RNASE7: variants seen among roughly 807,000 people sequenced by gnomAD.
RNASE7 encodes the protein ribonuclease 7.
For synonymous variants in RNASE7, 80 were observed against 77.5 expected (o/e 1.03, Z -0.17); for missense variants, 184 against 191.5 (o/e 0.96, Z 0.23).
Position 21,043,265 on chromosome 14 carries a change from G to T in RNASE7, c.273G>T (p.Lys91Asn). 1 of 1,614,186 alleles carries T rather than the reference G, an allele frequency of 6.2e-7. No homozygotes were observed. Among genetic ancestry groups the T allele is most frequent in the South Asian group, 1.1e-5 (1 of 91,086 alleles). The change falls in exon 2 of 2, where the codon AAG becomes AAT. Residue 91 changes from lysine to asparagine, a missense_variant. Coordinates refer to ENST00000298690, the MANE Select transcript of RNASE7 (RefSeq NM_032572.4). The part of the protein sequence containing the change: ...ATCQTPKIAC[K>N]NGDKNCHQSH... ...GCCAGACCCCCAAAATAGCCTGCAA[G>T]AATGGCGATAAAAACTGCCACCAGA...
In RNASE7 at chr14:21,042,934, C is replaced by T. The variant is rs1884971334; in HGVS notation, c.-40-19C>T. 1 of 1,464,400 alleles carries T rather than the reference C, an allele frequency of 6.8e-7. No homozygotes were observed. The highest frequency in any genetic ancestry group is 9.2e-7 in the Non-Finnish European group (1 of 1,081,672). 90.7% of individuals were successfully genotyped at this position (1,464,400 alleles called of 1,614,324 possible). A position where few individuals can be genotyped will look rare whatever the true frequency, so the allele number is the denominator to read the frequency against. On this transcript the variant is annotated intron_variant, in intron 1 of 1. Coordinates refer to ENST00000298690, the MANE Select transcript of RNASE7 (RefSeq NM_032572.4). ...AGGTATAAGAGGACTAATTTCTCAA[C>T]TGAACACCTCTGTCCCAGCGACCCC...
rs1884998645 is a variant in RNASE7, at chr14:21,043,367, A to T, written c.375A>T (p.Arg125=). Reference sequence around the variant, plus strand: ...CGAACTGCAGGTACAAAGAGAAGCGACAGAACAAGTCTTACGTAGTGGCCT... The same window carrying T: ...CGAACTGCAGGTACAAAGAGAAGCGTCAGAACAAGTCTTACGTAGTGGCCT... The part of the protein sequence containing the change: ...KHPNCRYKEK[R]QNKSYVVACK... The change falls in exon 2 of 2, where the codon CGA becomes CGT. Residue 125 remains arginine, a synonymous_variant. Transcript: ENST00000298690. 6.2e-7 allele frequency: 1 copy of T among 1,614,230 alleles called. No homozygotes were observed.
In RNASE7 at chr14:21,043,086, G is replaced by GGCAT. The variant is rs1884982006; in HGVS notation, c.96_99dup (p.Thr34HisfsTer8). 6.2e-7 allele frequency: 1 copy of GGCAT among 1,613,980 alleles called. No homozygotes were observed. The highest frequency in any genetic ancestry group is 1.3e-5 in the African/African-American group (1 of 74,886). On this transcript the variant is annotated frameshift_variant, in exon 2 of 2. Transcript: ENST00000298690. LOFTEE classifies it low-confidence loss of function (END_TRUNC). ...GATCCCAGTCAGTGCCAAGCCCAAG[G>GGCAT]GCATGACCTCATCACAGTGGTTTAA...
rs1219922842 is a variant in RNASE7 at position 21,044,016 on chromosome 14, GC to G, written c.*554del. On this transcript the variant is annotated 3_prime_UTR_variant, in exon 2 of 2. Transcript: ENST00000298690. ...TTTAGAAAGCTTAATGAATTAAAGA[GC>G]TTGTCTAATTAGTTAGTAGCAGAAC... 5.9e-6 allele frequency: 1 copy of G among 168,782 alleles called. No homozygotes were observed. Among genetic ancestry groups the G allele is most frequent in the African/African-American group, 2.4e-5 (1 of 41,464 alleles). The allele number at this position is 168,782 out of a possible 1,614,324, so 10.5% of individuals were successfully genotyped here.
intron 1 of RNASE7, among the ~76,000 whole-genome samples, 169 bp downstream of exon 1, chr14:21,042,611 C>A (rs1047370132): frequency 4.0e-5 from 6 of 150,852 alleles, no homozygotes; most frequent in African/African-American, 1.5e-4. Flanking sequence ...GGGATGGAGG[C>A]AAAAAATGAA....
chr14:21,043,478 T>C lies in RNASE7; in HGVS notation c.*15T>C. ...GAGTCCTTTAGGTTTCCAGACTGGCTTGCTCTTTGGCTGACCTTCAATTCC... is the reference window on the plus strand; with the variant it reads ...GAGTCCTTTAGGTTTCCAGACTGGCCTGCTCTTTGGCTGACCTTCAATTCC... On this transcript the variant is annotated 3_prime_UTR_variant, in exon 2 of 2. Coordinates refer to ENST00000298690, the MANE Select transcript of RNASE7 (RefSeq NM_032572.4). The C allele has an allele frequency of 6.4e-7, 1 of 1,553,902 alleles. No homozygotes were observed. The highest frequency in any genetic ancestry group is 8.7e-7 in the Non-Finnish European group (1 of 1,149,700).
At chr14:21,042,846 T>C in intron 1 of RNASE7, 107 bp from the exon 2 acceptor site, 3 of 665,030 alleles carry the variant, frequency 4.5e-6, no homozygotes, top group Non-Finnish European at 7.6e-6. Flanking sequence ...GAGGCAGAGA[T>C]GAGACACAAA....
chr14:21,043,187 C>G lies in RNASE7; in HGVS notation c.195C>G (p.Cys65Trp), dbSNP rs754709164. The change falls in exon 2 of 2, where the codon TGC becomes TGG. Residue 65 changes from cysteine (C) to tryptophan (W), a missense_variant. Cys to Trp is a radical substitution (Grantham distance 215). Transcript: ENST00000298690. Reference sequence around the variant, plus strand: ...ACATTAACAAGCACACAAAACGGTGCAAAGACCTCAACACCTTCCTGCACG... The same window carrying G: ...ACATTAACAAGCACACAAAACGGTGGAAAGACCTCAACACCTTCCTGCACG... ...MKNINKHTKR[C>W]KDLNTFLHEP... is the part of the protein sequence containing the mutation. 9 of 1,614,180 alleles carry G rather than the reference C, an allele frequency of 5.6e-6. No homozygotes were observed. The South Asian group carries it at 9.9e-5, about 18-fold the overall frequency.
chr14:21,043,068 G>C lies in RNASE7; in HGVS notation c.76G>C (p.Val26Leu), dbSNP rs376063080. Residue 26 changes from valine to leucine, a missense_variant, in exon 2 of 2, where the codon GTC becomes CTC. Physicochemically the swap from Val to Leu is conservative, Grantham distance 32. Transcript: ENST00000298690. ...GGGGCTGTGGGTGGCAGAGATCCCA[G>C]TCAGTGCCAAGCCCAAGGGCATGAC... ...LLGLWVAEIP[V>L]SAKPKGMTSS... 4.3e-5 allele frequency: 70 copies of C among 1,614,082 alleles called. No individual in the cohort carries two copies. Among genetic ancestry groups the C allele is most frequent in the Middle Eastern group, 1.6e-4 (1 of 6,084 alleles).
rs538504635 is a variant in RNASE7 at position 21,043,463 on chromosome 14, G to A, written c.471G>A (p.Ter157=). ...LVPVHLDRVL[*] is the part of the protein sequence containing the mutation. ...CTGTACACTTGGACAGAGTCCTTTA[G>A]GTTTCCAGACTGGCTTGCTCTTTGG... The change falls in exon 2 of 2, where the codon TAG becomes TAA. Residue 157 remains the stop codon, a stop_retained_variant. Transcript: ENST00000298690. 8 of 1,578,176 alleles carry A rather than the reference G, an allele frequency of 5.1e-6. No individual in the cohort carries two copies. The South Asian group carries it at 8.3e-5, about 16-fold the overall frequency.
In RNASE7 at chr14:21,043,256, A is replaced by C; in HGVS notation, c.264A>C (p.Ile88=). 1 of 1,614,148 alleles carries C rather than the reference A, an allele frequency of 6.2e-7. No individual in the cohort carries two copies. The highest frequency in any genetic ancestry group is 8.5e-7 in the Non-Finnish European group (1 of 1,180,034). ...SVAATCQTPK[I]ACKNGDKNCH... ...CCGCCACCTGCCAGACCCCCAAAAT[A>C]GCCTGCAAGAATGGCGATAAAAACT... The change falls in exon 2 of 2, where the codon ATA becomes ATC. Residue 88 remains isoleucine (I), a synonymous_variant. Coordinates refer to ENST00000298690, the MANE Select transcript of RNASE7 (RefSeq NM_032572.4).
chr14:21,043,202 C>G lies in RNASE7; in HGVS notation c.210C>G (p.Thr70=). The change falls in exon 2 of 2, where the codon ACC becomes ACG. Residue 70 remains threonine, a synonymous_variant. Coordinates refer to ENST00000298690, the MANE Select transcript of RNASE7 (RefSeq NM_032572.4). ...KHTKRCKDLN[T]FLHEPFSSVA... ...CAAAACGGTGCAAAGACCTCAACAC[C>G]TTCCTGCACGAGCCTTTCTCCAGTG... 2 of 1,614,190 alleles carry G rather than the reference C, an allele frequency of 1.2e-6. No individual in the cohort carries two copies. The highest frequency in any genetic ancestry group is 1.7e-6 in the Non-Finnish European group (2 of 1,180,028).
chr14:21,043,093 C>T lies in RNASE7; in HGVS notation c.101C>T (p.Thr34Ile), dbSNP rs749191721. The T allele has an allele frequency of 6.2e-7, 1 of 1,614,176 alleles. No individual in the cohort carries two copies. The highest frequency in any genetic ancestry group is 8.5e-7 in the Non-Finnish European group (1 of 1,180,026). ...IPVSAKPKGM[T>I]SSQWFKIQHM... ...GTCAGTGCCAAGCCCAAGGGCATGA[C>T]CTCATCACAGTGGTTTAAAATTCAG... is the stretch of plus-strand genomic sequence containing the variant. The change falls in exon 2 of 2, where the codon ACC becomes ATC. Residue 34 changes from threonine to isoleucine, a missense_variant. Coordinates refer to ENST00000298690, the MANE Select transcript of RNASE7 (RefSeq NM_032572.4).
Position 21,043,331 on chromosome 14 carries a change from A to C in RNASE7, c.339A>C (p.Ser113=). The C allele has an allele frequency of 1.2e-6, 2 of 1,614,182 alleles. No individual in the cohort carries two copies. Among genetic ancestry groups the C allele is most frequent in the Non-Finnish European group, 1.7e-6 (2 of 1,180,030 alleles). ...CCCTGACCATGTGTAAGCTCACCTC[A>C]GGGAAGCATCCGAACTGCAGGTACA... ...AVSLTMCKLT[S]GKHPNCRYKE... The change falls in exon 2 of 2, where the codon TCA becomes TCC. Residue 113 remains serine (S), a synonymous_variant. Coordinates refer to ENST00000298690, the MANE Select transcript of RNASE7 (RefSeq NM_032572.4).
intron 1 of RNASE7, 82 bp from the exon 2 acceptor site, chr14:21,042,871 C>A: frequency 1.2e-6 from 1 of 811,868 alleles, no homozygotes; most frequent in South Asian, 1.8e-5. Context: ...GGAAAGGAGA[C>A]AACCGAGTAG....
In RNASE7 at chr14:21,043,022, C is replaced by T. The variant is rs1393193197; in HGVS notation, c.30C>T (p.Pro10=). Residue 10 remains proline, a synonymous_variant, in exon 2 of 2, where the codon CCC becomes CCT. Transcript: ENST00000298690. The part of the protein sequence containing the change: MAPARAGFC[P]LLLLLLLGLW... ...CACCGGCCAGAGCAGGATTCTGCCC[C>T]CTTCTGCTGCTTCTGCTGCTGGGGC... 2 of 1,614,108 alleles carry T rather than the reference C, an allele frequency of 1.2e-6. No homozygotes were observed. The highest frequency in any genetic ancestry group is 2.2e-5 in the East Asian group (1 of 44,878).
At position 21,043,020 on chromosome 14, in the gene RNASE7, C is replaced by T; in HGVS notation, c.28C>T (p.Pro10Ser). The change falls in exon 2 of 2, where the codon CCC becomes TCC. Residue 10 changes from proline (P) to serine (S), a missense_variant. By Grantham distance (74) the Pro-to-Ser change is moderately conservative. Coordinates refer to ENST00000298690, the MANE Select transcript of RNASE7 (RefSeq NM_032572.4). Reference sequence around the variant, plus strand: ...GGCACCGGCCAGAGCAGGATTCTGCCCCCTTCTGCTGCTTCTGCTGCTGGG... The same window carrying T: ...GGCACCGGCCAGAGCAGGATTCTGCTCCCTTCTGCTGCTTCTGCTGCTGGG... The part of the protein sequence containing the change: MAPARAGFC[P>S]LLLLLLLGLW... 6.2e-7 allele frequency: 1 copy of T among 1,614,018 alleles called. No individual in the cohort carries two copies. Among genetic ancestry groups the T allele is most frequent in the Non-Finnish European group, 8.5e-7 (1 of 1,179,968 alleles).
At position 21,042,939 on chromosome 14, in the gene RNASE7, C is replaced by T; in HGVS notation, c.-40-14C>T. ...TAAGAGGACTAATTTCTCAACTGAA[C>T]ACCTCTGTCCCAGCGACCCCTGCCC... On this transcript the variant is annotated splice_polypyrimidine_tract_variant and intron_variant, in intron 1 of 1. Coordinates refer to ENST00000298690, the MANE Select transcript of RNASE7 (RefSeq NM_032572.4). 1.3e-6 allele frequency: 2 copies of T among 1,491,720 alleles called. No homozygotes were observed. The highest frequency in any genetic ancestry group is 1.8e-6 in the Non-Finnish European group (2 of 1,099,884). The allele number at this position is 1,491,720 out of a possible 1,614,324, so 92.4% of individuals were successfully genotyped here. A position where few individuals can be genotyped will look rare whatever the true frequency, so the allele number is the denominator to read the frequency against.
At chr14:21,042,509 A>G (rs938581363) in intron 1 of RNASE7, 67 bp downstream of exon 1, 1 of 175,192 alleles carries the variant, frequency 5.7e-6, no homozygotes, top group Admixed American at 5.4e-5. Flanking sequence ...TGATCCTGAG[A>G]GTACACTCAG....
Sources: allele counts gnomAD v4.1 joint callset (sites outside exome capture counted in the v4.1 genomes callset), GRCh38; gene constraint gnomAD v4.1.1; transcripts MANE v1.5; gene names NCBI Gene and HGNC (gene_info 2026-07-23, HGNC 2026-07-21).